GRB10: variants seen among roughly 807,000 people sequenced by gnomAD.
The protein encoded by GRB10 is growth factor receptor-bound protein 10.
GRB10 carries 20 observed loss-of-function variants against 80.9 expected under a neutral mutation model. The observed-to-expected ratio is 0.25, with a 90% CI of 0.17 to 0.36. The LOEUF is 0.36. Among genes scored for constraint, GRB10 ranks in the 10% least tolerant of loss-of-function variants. GRB10 has a pLI of 1.00. For synonymous variants in GRB10, 291 were observed against 291.5 expected (o/e 1.00, Z 0.02); for missense variants, 548 against 747.7 (o/e 0.73, Z 3.12).
intron 2 of GRB10, among the ~76,000 whole-genome samples, chr7:50,775,251 A>C (rs1192296193): frequency 2.0e-5 from 3 of 152,040 alleles, no homozygotes. Flanking sequence ...AAAAGAGGTA[A>C]CATTTCCCAA....
intron 7 of GRB10, among the ~76,000 whole-genome samples, chr7:50,643,346 A>G (rs2056629305): frequency 6.6e-6 from 1 of 152,198 alleles, no homozygotes; most frequent in Non-Finnish European, 1.5e-5. Flanking sequence ...CAACATCATC[A>G]TGCCTGTGGG....
intron 5 of GRB10, among the ~76,000 whole-genome samples, chr7:50,701,614 C>T (rs1003357991): frequency 2.1e-4 from 32 of 151,846 alleles, no homozygotes; most frequent in African/African-American, 7.2e-4. Context: ...AATAATCATT[C>T]GTTTGGTGAA....
chr7:50,600,399 C>T (rs1024665840), intron 17 of GRB10, among the ~76,000 whole-genome samples: 1 of 152,106 alleles, frequency 6.6e-6, no homozygotes, highest in African/African-American at 2.4e-5. Flanking sequence ...AGTTTTGGAG[C>T]AATTGTAAAG....
chr7:50,700,793 ACG>A (rs1175458201), intron 5 of GRB10, among the ~76,000 whole-genome samples: 3 of 152,288 alleles, frequency 2.0e-5, no homozygotes, highest in Non-Finnish European at 4.4e-5. Context: ...TTTTATGTTG[ACG>A]TCTGATTTAT....
At chr7:50,689,747 T>A (rs1376156152) in intron 5 of GRB10, among the ~76,000 whole-genome samples, 1 of 151,694 alleles carries the variant, frequency 6.6e-6, no homozygotes, top group Non-Finnish European at 1.5e-5. Flanking sequence ...TTAACAAAAG[T>A]GATATTGGAA....
intron 7 of GRB10, among the ~76,000 whole-genome samples, chr7:50,655,468 CA>C (rs1236473303): frequency 1.3e-5 from 2 of 152,334 alleles, no homozygotes; most frequent in East Asian, 1.9e-4. Context: ...AGAGGAAACA[CA>C]GAACTGCAAG....
chr7:50,746,592 C>A (rs1435161080), intron 3 of GRB10, among the ~76,000 whole-genome samples: 1 of 152,148 alleles, frequency 6.6e-6, no homozygotes, highest in African/African-American at 2.4e-5. Context: ...ATGGCAATCA[C>A]CAAAAACTAC....
At chr7:50,625,426 A>G (rs1338895008) in intron 8 of GRB10, among the ~76,000 whole-genome samples, 6 of 152,208 alleles carry the variant, frequency 3.9e-5, no homozygotes, top group Admixed American at 2.0e-4. Flanking sequence ...ATACACATGT[A>G]GAGACACATG....
chr7:50,684,634 C>G (rs1414973058), intron 5 of GRB10, among the ~76,000 whole-genome samples: 2 of 152,148 alleles, frequency 1.3e-5, no homozygotes, highest in African/African-American at 4.8e-5. Context: ...GCCTGCCCAG[C>G]AAGAACCAAA....
intron 4 of GRB10, among the ~76,000 whole-genome samples, chr7:50,729,725 C>G (rs1395517679): frequency 7.1e-6 from 1 of 141,382 alleles, no homozygotes; most frequent in African/African-American, 2.5e-5. Flanking sequence ...TAACGGAGCC[C>G]CCCCCGAAGA....
intron 4 of GRB10, among the ~76,000 whole-genome samples, chr7:50,730,117 A>G (rs73349072): frequency 0.011 from 1,674 of 152,264 alleles, 30 homozygotes; most frequent in African/African-American, 0.035. Flanking sequence ...AAGGTCAGAG[A>G]ATTATGATGT....
Position 50,666,924 on chromosome 7 carries a change from C to CA in GRB10, c.504+2797dup, listed in dbSNP as rs556732527. 8.6e-4 allele frequency among the ~76,000 whole-genome samples: 131 copies of CA among 151,818 alleles called. 1 individual carries two copies. The highest frequency in any genetic ancestry group is 3.0e-3 in the African/African-American group (125 of 41,388). On this transcript the variant is annotated intron_variant, in intron 7 of 18. Transcript: ENST00000401949. ...GCGTGGTGGCGGGCGCCTGTAGTCC[C>CA]AGCTACTCAGGAGGCTGAGGCAGGA...
Position 50,602,777 on chromosome 7 carries a change from A to G in GRB10, c.1544+1221T>C, listed in dbSNP as rs1203825283. On this transcript the variant is annotated intron_variant, in intron 17 of 18. Coordinates refer to ENST00000401949, the MANE Select transcript of GRB10 (RefSeq NM_001350814.2). ...AGATGATAGTAAGAAATTCTTATTT[A>G]TTTAGTTAAGTGTAATAACATTGCA... is the stretch of plus-strand genomic sequence containing the variant. Among the ~76,000 whole-genome samples, 13 of 152,358 alleles carry G rather than the reference A, an allele frequency of 8.5e-5. No homozygotes were observed. In the East Asian group the frequency reaches 2.3e-3, roughly 27 times the overall value.
At chr7:50,648,501 AAGGAAGGCAG>A (rs2057552735) in intron 7 of GRB10, among the ~76,000 whole-genome samples, 1 of 152,222 alleles carries the variant, frequency 6.6e-6, no homozygotes, top group Admixed American at 6.5e-5. Context: ...CTGTGAGGGA[AAGGAAGGCAG>A]AGCCTCGACC....
At chr7:50,774,949 G>A (rs1377358767) in intron 2 of GRB10, among the ~76,000 whole-genome samples, 4 of 149,908 alleles carry the variant, frequency 2.7e-5, no homozygotes, top group Non-Finnish European at 1.5e-5. Context: ...GTCGAGACCA[G>A]CCTGGGCAAC....
At chr7:50,623,528 C>T (rs1585856951) in intron 8 of GRB10, among the ~76,000 whole-genome samples, 1 of 152,314 alleles carries the variant, frequency 6.6e-6, no homozygotes, top group East Asian at 1.9e-4. Context: ...GGCTACTCTG[C>T]CGAGTGACAG....
intron 3 of GRB10, among the ~76,000 whole-genome samples, chr7:50,742,776 C>T (rs2072128439): frequency 1.3e-5 from 2 of 152,026 alleles, no homozygotes. Context: ...CAGCTGTTTC[C>T]AAAGGTAAGC....
At chr7:50,604,255 G>C (rs1008984747) in intron 16 of GRB10, 56 bp downstream of exon 16, 1 of 1,437,086 alleles carries the variant, frequency 7.0e-7, no homozygotes, top group African/African-American at 1.4e-5. Flanking sequence ...GAGTGGAGGG[G>C]GGTGCTGTTT....
At chr7:50,747,386 T>C (rs944043141) in intron 3 of GRB10, among the ~76,000 whole-genome samples, 4 of 152,250 alleles carry the variant, frequency 2.6e-5, no homozygotes, top group Admixed American at 2.6e-4. Flanking sequence ...TCAGGTTTTC[T>C]ATAAAGTCAA....
Sources: gnomAD v4.1 joint callset for allele counts (sites outside exome capture counted in the v4.1 genomes callset) on GRCh38, gnomAD v4.1.1 for gene constraint, MANE v1.5 for transcripts, NCBI Gene and HGNC (gene_info 2026-07-23, HGNC 2026-07-21) for gene names.